The following FRMD4A variants were observed in gnomAD, a reference collection of about 807,000 sequenced individuals.
The protein encoded by FRMD4A is FERM domain containing 4A.
Under a neutral mutation model 129.1 loss-of-function variants are expected in FRMD4A, and 29 were observed. That is an observed-to-expected ratio of 0.22 (90% confidence interval 0.17 to 0.31). FRMD4A has a LOEUF of 0.31. FRMD4A is among the 10% of genes least tolerant of loss of function. The pLI, the probability that FRMD4A is intolerant of heterozygous loss-of-function variation, is 1.00. For missense variants in FRMD4A, 1,272 were observed against 1,375.8 expected, an observed-to-expected ratio of 0.92 and a Z score of 1.19; for synonymous variants, 634 against 571.6, an observed-to-expected ratio of 1.11 and a Z score of -1.56.
At chr10:13,753,052 A>C (rs1211422121) in intron 8 of FRMD4A, among the ~76,000 whole-genome samples, 1 of 152,222 alleles carries the variant, frequency 6.6e-6, no homozygotes, top group Non-Finnish European at 1.5e-5. Context: ...CTAGATATAC[A>C]TACGTGGCTC....
At chr10:14,095,587 A>T (rs992625927) in intron 2 of FRMD4A, among the ~76,000 whole-genome samples, 3 of 152,128 alleles carry the variant, frequency 2.0e-5, no homozygotes, top group Non-Finnish European at 2.9e-5. Flanking sequence ...CGCACTCTCA[A>T]CCTTAGCACT....
chr10:13,993,539 T>A (rs2095611104), intron 2 of FRMD4A, among the ~76,000 whole-genome samples: 1 of 152,180 alleles, frequency 6.6e-6, no homozygotes. Flanking sequence ...AAAATATACC[T>A]CTAGGTGGTA....
chr10:13,797,826 T>TTA (rs1320501728), intron 4 of FRMD4A, among the ~76,000 whole-genome samples: 1 of 152,000 alleles, frequency 6.6e-6, no homozygotes, highest in African/African-American at 2.4e-5. Flanking sequence ...TCTCAGCACA[T>TTA]GCTTAAACCT....
At chr10:13,805,102 G>A (rs2093337000) in intron 4 of FRMD4A, among the ~76,000 whole-genome samples, 1 of 152,070 alleles carries the variant, frequency 6.6e-6, no homozygotes, top group East Asian at 1.9e-4. Flanking sequence ...CAAAGGCGGT[G>A]TGATGAAATC....
At chr10:13,648,786 C>CTGT (rs1464228574) in intron 24 of FRMD4A, 2 of 152,106 alleles carry the variant, frequency 1.3e-5, no homozygotes, top group Non-Finnish European at 2.9e-5. Context: ...GTTTCTTAAA[C>CTGT]TGTTGATGAA....
chr10:13,666,911 C>CTTTTTTTTTTTTTTTT (rs10546068), intron 17 of FRMD4A, among the ~76,000 whole-genome samples: 1 of 114,376 alleles, frequency 8.7e-6, no homozygotes, highest in Non-Finnish European at 1.7e-5. Context: ...CTTTTCTTTT[C>CTTTTTTTTTTTTTTTT]TTTTTTTTTT....
At chr10:13,654,373 T>A (rs750251237) in intron 23 of FRMD4A, 43 bp downstream of exon 23, 1 of 1,197,390 alleles carries the variant, frequency 8.4e-7, no homozygotes, top group Non-Finnish European at 1.2e-6. Flanking sequence ...TCTATGACAC[T>A]CTTTCGAGCT....
intron 3 of FRMD4A, among the ~76,000 whole-genome samples, chr10:13,817,920 A>G (rs1392623026): frequency 1.3e-5 from 2 of 152,202 alleles, no homozygotes; most frequent in African/African-American, 2.4e-5. Context: ...CACCTCACCA[A>G]TTCCTCACAG....
rs577752690 is a variant in FRMD4A at position 14,166,469 on chromosome 10, A to G, written c.45+163589T>C. 4.6e-5 allele frequency among the ~76,000 whole-genome samples: 7 copies of G among 152,350 alleles called. No individual in the cohort carries two copies. In the East Asian group the frequency reaches 1.3e-3, roughly 29 times the overall value. Reference sequence around the variant, plus strand: ...TTTCCTGTTTGCCTAAAGTCAGCACAGCTTTGTTTTATCTGGAAAATAATC... The same window carrying G: ...TTTCCTGTTTGCCTAAAGTCAGCACGGCTTTGTTTTATCTGGAAAATAATC... On this transcript the variant is annotated intron_variant, in intron 2 of 24. Coordinates refer to ENST00000357447, the MANE Select transcript of FRMD4A (RefSeq NM_018027.5).
At chr10:13,930,492 C>T (rs138999869) in intron 2 of FRMD4A, among the ~76,000 whole-genome samples, 4 of 152,264 alleles carry the variant, frequency 2.6e-5, no homozygotes, top group Admixed American at 6.5e-5. Context: ...TTGATGGCCG[C>T]GGAGGCTCAG....
intron 2 of FRMD4A, among the ~76,000 whole-genome samples, chr10:14,102,459 G>A (rs927732515): frequency 2.6e-5 from 4 of 152,192 alleles, no homozygotes; most frequent in African/African-American, 9.6e-5. Flanking sequence ...CCCGGGAGGC[G>A]GACACATTGA....
chr10:14,212,709 A>C (rs11258944), intron 2 of FRMD4A, among the ~76,000 whole-genome samples: 1 of 152,348 alleles, frequency 6.6e-6, no homozygotes, highest in East Asian at 1.9e-4. Flanking sequence ...TGGAAACTGT[A>C]AGTACCTTAA....
At chr10:14,222,505 G>C (rs1366572122) in intron 2 of FRMD4A, among the ~76,000 whole-genome samples, 1 of 152,108 alleles carries the variant, frequency 6.6e-6, no homozygotes, top group African/African-American at 2.4e-5. Context: ...GAGAGAGAGA[G>C]AAATAGAGAA....
At chr10:13,750,049 G>GA (rs1460026428) in intron 8 of FRMD4A, among the ~76,000 whole-genome samples, 43 of 95,494 alleles carry the variant, frequency 4.5e-4, no homozygotes, top group African/African-American at 1.8e-3. Context: ...GAAAGGAAAG[G>GA]AAGGAAGGAA....
intron 21 of FRMD4A, among the ~76,000 whole-genome samples, chr10:13,658,283 G>A (rs1220188012): frequency 2.6e-5 from 4 of 152,108 alleles, no homozygotes; most frequent in Non-Finnish European, 5.9e-5. Context: ...CCTTTCCTGT[G>A]AAAACTGGGA....
At chr10:13,951,092 C>T (rs1057147032) in intron 2 of FRMD4A, among the ~76,000 whole-genome samples, 2 of 152,040 alleles carry the variant, frequency 1.3e-5, no homozygotes, top group Non-Finnish European at 2.9e-5. Context: ...AGGCTAGGGC[C>T]GGGAGAGAGA....
chr10:13,956,343 G>C (rs1000443320), intron 2 of FRMD4A, among the ~76,000 whole-genome samples: 12 of 152,160 alleles, frequency 7.9e-5, no homozygotes, highest in Admixed American at 1.3e-4. Context: ...GTAGAGATGG[G>C]GTTTCGCCAT....
chr10:14,006,941 T>C (rs2095664316), intron 2 of FRMD4A, among the ~76,000 whole-genome samples: 1 of 152,172 alleles, frequency 6.6e-6, no homozygotes, highest in Admixed American at 6.5e-5. Flanking sequence ...GCAACGTTTT[T>C]TTCATTATTC....
chr10:14,169,873 CA>C (rs1253230218), intron 2 of FRMD4A, among the ~76,000 whole-genome samples: 2 of 152,128 alleles, frequency 1.3e-5, no homozygotes, highest in Non-Finnish European at 2.9e-5. Context: ...AAGTAATTGT[CA>C]AGCCTTCCAC....
Sources: allele counts gnomAD v4.1 joint callset (sites outside exome capture counted in the v4.1 genomes callset), GRCh38; gene constraint gnomAD v4.1.1; transcripts MANE v1.5; gene names NCBI Gene and HGNC (gene_info 2026-07-23, HGNC 2026-07-21).